MPPED2: variants seen among roughly 807,000 people sequenced by gnomAD.
MPPED2 encodes the protein metallophosphoesterase MPPED2.
A neutral mutation model predicts 33.0 loss-of-function variants in MPPED2; 5 were observed. The observed-to-expected ratio is 0.15, with a 90% CI of 0.08 to 0.32. The LOEUF (loss-of-function observed/expected upper bound fraction) is 0.32, where lower values mean the gene tolerates loss of function less well. MPPED2 is among the 10% of genes least tolerant of loss of function. The pLI is 1.00. For missense variants in MPPED2, 275 were observed against 372.1 expected, an observed-to-expected ratio of 0.74 and a Z score of 2.15; for synonymous variants, 136 against 141.9, an observed-to-expected ratio of 0.96 and a Z score of 0.29.
rs185849600 is a variant in MPPED2 at position 30,463,177 on chromosome 11, A to G, written c.536+32119T>C. 4.4e-3 allele frequency among the ~76,000 whole-genome samples: 668 copies of G among 152,352 alleles called. 2 individuals carry two copies. Among genetic ancestry groups the G allele is most frequent in the Admixed American group, 6.5e-3 (99 of 15,306 alleles). On this transcript the variant is annotated intron_variant, in intron 4 of 6. Transcript: ENST00000358117. ...GTTTTCTCGGCTATCCACTCAGGGC[A>G]ATTTTGAAATATCAATTGCAATGTA... is the stretch of plus-strand genomic sequence containing the variant.
intron 4 of MPPED2, among the ~76,000 whole-genome samples, chr11:30,434,721 A>G (rs910346672): frequency 8.5e-5 from 13 of 152,144 alleles, no homozygotes; most frequent in Non-Finnish European, 1.6e-4. Flanking sequence ...CCTGGCACAT[A>G]AGAAGCTCTC....
intron 4 of MPPED2, among the ~76,000 whole-genome samples, chr11:30,433,450 G>A (rs1391944054): frequency 6.6e-6 from 1 of 152,146 alleles, no homozygotes; most frequent in East Asian, 1.9e-4. Flanking sequence ...ATCTCTTTGA[G>A]GTGAATGCTG....
At chr11:30,576,643 C>G (rs1956942197) in intron 2 of MPPED2, among the ~76,000 whole-genome samples, 1 of 152,072 alleles carries the variant, frequency 6.6e-6, no homozygotes, top group African/African-American at 2.4e-5. Flanking sequence ...GCTCCTTCAG[C>G]ACCTCCTCCC....
At chr11:30,444,468 T>C (rs563918375) in intron 4 of MPPED2, among the ~76,000 whole-genome samples, 1 of 148,008 alleles carries the variant, frequency 6.8e-6, no homozygotes, top group African/African-American at 2.5e-5. Flanking sequence ...TTTTTTTTTT[T>C]AGAAAAAACA....
intron 3 of MPPED2, among the ~76,000 whole-genome samples, chr11:30,531,826 C>T (rs1423886648): frequency 1.3e-5 from 2 of 152,178 alleles, no homozygotes; most frequent in Admixed American, 1.3e-4. Flanking sequence ...GGAAATAAAC[C>T]ACCTTAGGCC....
At chr11:30,481,989 A>G (rs1261749174) in intron 4 of MPPED2, among the ~76,000 whole-genome samples, 4 of 152,058 alleles carry the variant, frequency 2.6e-5, no homozygotes, top group Non-Finnish European at 4.4e-5. Context: ...CAACCCACAC[A>G]CACACCCGGA....
chr11:30,539,476 AC>A (rs1297992733), intron 2 of MPPED2, among the ~76,000 whole-genome samples: 1 of 152,188 alleles, frequency 6.6e-6, no homozygotes, highest in African/African-American at 2.4e-5. Context: ...TGAGAAAAAA[AC>A]ATAGCAGCAT....
At chr11:30,451,229 T>C (rs1950045342) in intron 4 of MPPED2, among the ~76,000 whole-genome samples, 1 of 152,236 alleles carries the variant, frequency 6.6e-6, no homozygotes, top group South Asian at 2.1e-4. Context: ...TGTGAAGCTG[T>C]ATCTCACCCC....
intron 2 of MPPED2, among the ~76,000 whole-genome samples, chr11:30,579,386 T>C (rs1023523887): frequency 1.3e-5 from 2 of 152,172 alleles, no homozygotes; most frequent in Admixed American, 6.5e-5. Flanking sequence ...AGTCCTACTA[T>C]GAAAGACTCA....
At chr11:30,557,794 T>C (rs1231344351) in intron 2 of MPPED2, among the ~76,000 whole-genome samples, 1 of 152,202 alleles carries the variant, frequency 6.6e-6, no homozygotes, top group African/African-American at 2.4e-5. Flanking sequence ...GTAATATGTA[T>C]GTGAGAACTC....
At chr11:30,480,898 A>T (rs1436105091) in intron 4 of MPPED2, among the ~76,000 whole-genome samples, 2 of 152,144 alleles carry the variant, frequency 1.3e-5, no homozygotes, top group East Asian at 3.8e-4. Flanking sequence ...CCCACACTCT[A>T]TCTCCACAGG....
intron 4 of MPPED2, among the ~76,000 whole-genome samples, chr11:30,449,549 G>A (rs1250638869): frequency 6.8e-6 from 1 of 147,730 alleles, no homozygotes; most frequent in Admixed American, 6.6e-5. Context: ...AGGCTGAAGT[G>A]GGAGGACTAC....
At chr11:30,477,340 G>A (rs942976943) in intron 4 of MPPED2, among the ~76,000 whole-genome samples, 1 of 152,102 alleles carries the variant, frequency 6.6e-6, no homozygotes, top group Non-Finnish European at 1.5e-5. Flanking sequence ...TTTGCCATCA[G>A]TTGTGATGTT....
chr11:30,462,115 G>A (rs1413000335), intron 4 of MPPED2, among the ~76,000 whole-genome samples: 1 of 152,174 alleles, frequency 6.6e-6, no homozygotes, highest in Non-Finnish European at 1.5e-5. Flanking sequence ...GGAAAGCTTT[G>A]CCCTACTTTT....
intron 3 of MPPED2, among the ~76,000 whole-genome samples, chr11:30,497,918 CCT>C (rs1259238540): frequency 2.6e-5 from 4 of 152,152 alleles, no homozygotes; most frequent in African/African-American, 7.2e-5. Flanking sequence ...CAACTTCTAT[CCT>C]CTGTTACCGA....
intron 6 of MPPED2, among the ~76,000 whole-genome samples, chr11:30,400,035 CA>C (rs1314899396): frequency 6.6e-6 from 1 of 151,980 alleles, no homozygotes; most frequent in African/African-American, 2.4e-5. Context: ...TTTTTAGGTG[CA>C]AGAAAGATTT....
intron 1 of MPPED2, among the ~76,000 whole-genome samples, chr11:30,583,091 C>T (rs1431250446): frequency 2.1e-5 from 3 of 143,286 alleles, no homozygotes; most frequent in Non-Finnish European, 4.5e-5. Context: ...AAAATGAACA[C>T]ATCTTAAGAA....
At chr11:30,585,394 C>G (rs911004045) in intron 1 of MPPED2, among the ~76,000 whole-genome samples, 1 of 151,810 alleles carries the variant, frequency 6.6e-6, no homozygotes, top group Non-Finnish European at 1.5e-5. Flanking sequence ...CGGGCGGCCC[C>G]GGGGGCGGCC....
chr11:30,535,870 C>A, intron 3 of MPPED2, 124 bp downstream of exon 3: 2 of 679,456 alleles, frequency 2.9e-6, no homozygotes, highest in South Asian at 2.9e-5. Context: ...AGCTAGACAC[C>A]ACCGCATATC....
Sources: gnomAD v4.1 joint callset for allele counts (sites outside exome capture counted in the v4.1 genomes callset) on GRCh38, gnomAD v4.1.1 for gene constraint, MANE v1.5 for transcripts, NCBI Gene and HGNC (gene_info 2026-07-23, HGNC 2026-07-21) for gene names.